MRTFA: variants seen among roughly 807,000 people sequenced by gnomAD.
MRTFA encodes the protein myocardin-related transcription factor A.
A neutral mutation model predicts 83.5 loss-of-function variants in MRTFA; 20 were observed. That is an observed-to-expected ratio of 0.24 (90% confidence interval 0.17 to 0.35). MRTFA has a LOEUF of 0.35. Ranked by LOEUF, MRTFA falls within the 10% of genes least tolerant of loss-of-function variation. The pLI is 1.00. For synonymous variants in MRTFA, 659 were observed against 541.2 expected (o/e 1.22, Z -3.02); for missense variants, 1,200 against 1,224.7 (o/e 0.98, Z 0.30).
chr22:40,460,608 G>A (rs2147148450), intron 4 of MRTFA, among the ~76,000 whole-genome samples: 1 of 152,284 alleles, frequency 6.6e-6, no homozygotes, highest in East Asian at 1.9e-4. Context: ...TAGACACTAA[G>A]TATATGATGT....
chr22:40,413,895 T>C (rs2052618439), intron 14 of MRTFA, among the ~76,000 whole-genome samples: 1 of 152,096 alleles, frequency 6.6e-6, no homozygotes, highest in South Asian at 2.1e-4. Flanking sequence ...TTCACACCCA[T>C]TAGGATGGCT....
At chr22:40,532,614 C>T (rs2055102262) in intron 3 of MRTFA, among the ~76,000 whole-genome samples, 1 of 152,194 alleles carries the variant, frequency 6.6e-6, no homozygotes, top group African/African-American at 2.4e-5. Context: ...TTTGCCCCTT[C>T]CCTGATCATA....
At chr22:40,610,685 T>C (rs1200933667) in intron 1 of MRTFA, among the ~76,000 whole-genome samples, 1 of 152,142 alleles carries the variant, frequency 6.6e-6, no homozygotes, top group African/African-American at 2.4e-5. Context: ...ACCATCAATC[T>C]TCCTGGTTTT....
At chr22:40,422,390 A>C (rs2052859721) in intron 9 of MRTFA, among the ~76,000 whole-genome samples, 1 of 152,170 alleles carries the variant, frequency 6.6e-6, no homozygotes, top group Non-Finnish European at 1.5e-5. Context: ...GTGGTAGGCA[A>C]AGGAAGGCAA....
chr22:40,430,086 T>C (rs2053037016), intron 6 of MRTFA, among the ~76,000 whole-genome samples: 2 of 152,316 alleles, frequency 1.3e-5, no homozygotes, highest in South Asian at 2.1e-4. Flanking sequence ...TCAAACTTGC[T>C]GTGTTACTGA....
Position 40,429,589 on chromosome 22 carries a change from G to A in MRTFA, c.601+17C>T. The A allele has an allele frequency of 1.2e-6, 2 of 1,614,070 alleles. No homozygotes were observed. The highest frequency in any genetic ancestry group is 1.7e-6 in the Non-Finnish European group (2 of 1,179,994). On this transcript the variant is annotated intron_variant, in intron 7 of 14. Coordinates refer to ENST00000355630, the MANE Select transcript of MRTFA (RefSeq NM_020831.6). ...ATCTCAGCTGCCTCTCACACAGGGTGGCTGGGTCCTCCTCACCAATGATGG... is the reference window on the plus strand; with the variant it reads ...ATCTCAGCTGCCTCTCACACAGGGTAGCTGGGTCCTCCTCACCAATGATGG...
chr22:40,578,054 A>G (rs2055893251), intron 2 of MRTFA, among the ~76,000 whole-genome samples: 1 of 151,638 alleles, frequency 6.6e-6, no homozygotes, highest in Admixed American at 6.6e-5. Context: ...CCTGGGTTCA[A>G]GCAATTCTCC....
intron 2 of MRTFA, among the ~76,000 whole-genome samples, chr22:40,570,617 A>G (rs888161527): frequency 6.7e-6 from 1 of 148,364 alleles, no homozygotes; most frequent in Non-Finnish European, 1.5e-5. Flanking sequence ...AATTGGGTAC[A>G]TTATTCTTTA....
chr22:40,451,974 G>GTT (rs1569272583), intron 4 of MRTFA, among the ~76,000 whole-genome samples: 2 of 39,576 alleles, frequency 5.1e-5, no homozygotes, highest in African/African-American at 1.6e-4. Context: ...TTTTTTTTTT[G>GTT]GTTTTTTTTT....
chr22:40,577,676 G>C (rs1004154318), intron 2 of MRTFA, among the ~76,000 whole-genome samples: 1 of 149,086 alleles, frequency 6.7e-6, no homozygotes, highest in Non-Finnish European at 1.5e-5. Flanking sequence ...GCAATGGTGC[G>C]ATCACCGCAA....
intron 3 of MRTFA, among the ~76,000 whole-genome samples, chr22:40,498,983 T>C (rs2054409359): frequency 6.6e-6 from 1 of 152,198 alleles, no homozygotes; most frequent in East Asian, 1.9e-4. Context: ...ATACAGAATG[T>C]TCAGCCAATC....
chr22:40,584,419 C>T (rs915573137), intron 2 of MRTFA, among the ~76,000 whole-genome samples: 4 of 152,224 alleles, frequency 2.6e-5, no homozygotes, highest in East Asian at 1.9e-4. Flanking sequence ...CTGTCTGGCT[C>T]AGCACGTTAT....
intron 3 of MRTFA, among the ~76,000 whole-genome samples, chr22:40,533,237 T>C (rs1055266874): frequency 1.3e-5 from 2 of 152,238 alleles, no homozygotes; most frequent in African/African-American, 4.8e-5. Flanking sequence ...GACTAGTGAT[T>C]AAAGACAACA....
chr22:40,549,563 T>A (rs569941136), intron 3 of MRTFA, among the ~76,000 whole-genome samples: 21 of 151,782 alleles, frequency 1.4e-4, no homozygotes, highest in Non-Finnish European at 2.6e-4. Flanking sequence ...GGGAAGGGAG[T>A]ATTGATTGGG....
At chr22:40,417,600 G>C in intron 12 of MRTFA, 107 bp from the exon 13 acceptor site, 1 of 747,492 alleles carries the variant, frequency 1.3e-6, no homozygotes, top group Non-Finnish European at 2.1e-6. Context: ...TCACACTCTA[G>C]GAGGGAAGAT....
chr22:40,478,243 T>C (rs1461515268), intron 3 of MRTFA, among the ~76,000 whole-genome samples: 1 of 152,132 alleles, frequency 6.6e-6, no homozygotes, highest in Admixed American at 6.5e-5. Context: ...GTATCCTAGA[T>C]TGGATCTGGG....
chr22:40,553,617 T>C (rs925666972), intron 2 of MRTFA, among the ~76,000 whole-genome samples: 1 of 152,176 alleles, frequency 6.6e-6, no homozygotes, highest in Admixed American at 6.5e-5. Flanking sequence ...AGAGGATGTA[T>C]GGCAACACCT....
intron 2 of MRTFA, among the ~76,000 whole-genome samples, chr22:40,589,493 C>T (rs2056086492): frequency 6.6e-6 from 1 of 152,142 alleles, no homozygotes; most frequent in Non-Finnish European, 1.5e-5. Context: ...CTCCAGACCC[C>T]TCAGTAAGAG....
intron 1 of MRTFA, among the ~76,000 whole-genome samples, chr22:40,620,908 G>C (rs1339439424): frequency 6.6e-6 from 1 of 152,186 alleles, no homozygotes; most frequent in Non-Finnish European, 1.5e-5. Context: ...TTGGCTGGAT[G>C]TGGTAGCTCA....
Sources: gnomAD v4.1 joint callset for allele counts (sites outside exome capture counted in the v4.1 genomes callset) on GRCh38, gnomAD v4.1.1 for gene constraint, MANE v1.5 for transcripts, NCBI Gene and HGNC (gene_info 2026-07-23, HGNC 2026-07-21) for gene names.